NUMB: variants seen among roughly 807,000 people sequenced by gnomAD.
NUMB encodes the protein NUMB endocytic adaptor protein.
In NUMB, 29 loss-of-function variants were observed where a neutral mutation model predicts 59.7. That is an observed-to-expected ratio of 0.49 (90% confidence interval 0.36 to 0.66). NUMB has a LOEUF of 0.66. Among genes scored for constraint, NUMB ranks in the 30% least tolerant of loss-of-function variants. The pLI, the probability that NUMB is intolerant of heterozygous loss-of-function variation, is 0.00. For missense variants in NUMB, 723 were observed against 822.0 expected (o/e 0.88, Z 1.47); for synonymous variants, 288 against 288.2 (o/e 1.00, Z 0.01).
chr14:73,364,450 G>C (rs1380066586), intron 3 of NUMB, among the ~76,000 whole-genome samples: 1 of 152,024 alleles, frequency 6.6e-6, no homozygotes, highest in Non-Finnish European at 1.5e-5. Context: ...GTTGCAGTGG[G>C]CTGAGATTGC....
intron 2 of NUMB, among the ~76,000 whole-genome samples, 188 bp from the exon 3 acceptor site, chr14:73,367,169 G>A (rs887620128): frequency 9.9e-5 from 15 of 151,436 alleles, no homozygotes; most frequent in Non-Finnish European, 2.2e-4. Flanking sequence ...GTAACTGTAA[G>A]ATCCACACAC....
At chr14:73,351,667 A>T (rs1340445959) in intron 4 of NUMB, among the ~76,000 whole-genome samples, 3 of 151,942 alleles carry the variant, frequency 2.0e-5, no homozygotes, top group Non-Finnish European at 2.9e-5. Context: ...AATACCGTTG[A>T]ACTGTACACT....
At chr14:73,298,643 G>T (rs1429558717) in intron 6 of NUMB, 5 of 152,130 alleles carry the variant, frequency 3.3e-5, no homozygotes, top group African/African-American at 9.7e-5. Flanking sequence ...AAAAAGTATA[G>T]ATCAAAAGGA....
intron 1 of NUMB, among the ~76,000 whole-genome samples, chr14:73,411,472 C>CAA (rs1261938015): frequency 6.6e-6 from 1 of 151,522 alleles, no homozygotes; most frequent in Non-Finnish European, 1.5e-5. Flanking sequence ...TTCCAGGAGA[C>CAA]AAAAAAAGAA....
intron 2 of NUMB, among the ~76,000 whole-genome samples, chr14:73,373,705 CTTTT>C (rs558452695): frequency 7.8e-6 from 1 of 127,730 alleles, no homozygotes; most frequent in Admixed American, 8.1e-5. Context: ...GGAAAGCTTC[CTTTT>C]TTTTTTTTTT....
intron 1 of NUMB, among the ~76,000 whole-genome samples, chr14:73,446,130 G>T (rs1386017239): frequency 7.3e-6 from 1 of 137,056 alleles, no homozygotes; most frequent in Non-Finnish European, 1.5e-5. Flanking sequence ...CCGAGTAGCT[G>T]GGACTATAAG....
At chr14:73,287,983 G>A (rs572152494) in intron 8 of NUMB, among the ~76,000 whole-genome samples, 1 of 152,174 alleles carries the variant, frequency 6.6e-6, no homozygotes, top group South Asian at 2.1e-4. Flanking sequence ...GGAAGCAGTG[G>A]GAATATTTAC....
intron 1 of NUMB, among the ~76,000 whole-genome samples, chr14:73,415,200 CA>C (rs1897075419): frequency 6.6e-6 from 1 of 151,336 alleles, no homozygotes; most frequent in South Asian, 2.1e-4. Flanking sequence ...GCTTGCTTCT[CA>C]TGTTCTGCTT....
chr14:73,315,191 TTTAA>T (rs1330653154), intron 6 of NUMB, among the ~76,000 whole-genome samples: 3 of 152,150 alleles, frequency 2.0e-5, no homozygotes, highest in South Asian at 2.1e-4. Context: ...CATTTAAACA[TTTAA>T]TTGAGAAGGA....
chr14:73,360,029 C>T (rs1894026222), intron 3 of NUMB, among the ~76,000 whole-genome samples: 1 of 152,220 alleles, frequency 6.6e-6, no homozygotes, highest in Admixed American at 6.6e-5. Flanking sequence ...TCTATGTCCT[C>T]TGTTGTCCCT....
At chr14:73,358,266 T>C (rs1893917116) in intron 3 of NUMB, among the ~76,000 whole-genome samples, 1 of 152,198 alleles carries the variant, frequency 6.6e-6, no homozygotes, top group Admixed American at 6.5e-5. Context: ...TTAACAGAGC[T>C]CCATCCCAAT....
intron 1 of NUMB, among the ~76,000 whole-genome samples, chr14:73,438,210 G>T (rs2068016263): frequency 6.6e-6 from 1 of 152,170 alleles, no homozygotes; most frequent in Non-Finnish European, 1.5e-5. Context: ...AATACTGAAA[G>T]TCATATTTAG....
chr14:73,293,015 G>T, intron 7 of NUMB, 141 bp from the exon 8 acceptor site: 1 of 834,480 alleles, frequency 1.2e-6, no homozygotes. Context: ...GTGTCCAGCA[G>T]TTTAAATACT....
chr14:73,413,603 C>G, intron 1 of NUMB, among the ~76,000 whole-genome samples: 1 of 151,528 alleles, frequency 6.6e-6, no homozygotes, highest in Non-Finnish European at 1.5e-5. Context: ...ACCAAAAATA[C>G]AAAAATTAGC....
intron 4 of NUMB, among the ~76,000 whole-genome samples, chr14:73,336,783 CA>C (rs1405811009): frequency 2.0e-5 from 3 of 152,150 alleles, no homozygotes; most frequent in Non-Finnish European, 2.9e-5. Context: ...AGTTTCTGAA[CA>C]AAATATTAGC....
chr14:73,355,016 T>C (rs962107073), intron 4 of NUMB, among the ~76,000 whole-genome samples: 22 of 152,138 alleles, frequency 1.4e-4, no homozygotes, highest in African/African-American at 5.1e-4. Context: ...AAATAGTAAA[T>C]AACATACATA....
intron 1 of NUMB, among the ~76,000 whole-genome samples, chr14:73,411,710 C>T (rs1896901265): frequency 6.6e-6 from 1 of 151,950 alleles, no homozygotes; most frequent in Admixed American, 6.6e-5. Flanking sequence ...AATTGGTAAA[C>T]GGCTAATCTA....
chr14:73,435,479 T>C (rs963598175), intron 1 of NUMB, among the ~76,000 whole-genome samples: 3 of 151,434 alleles, frequency 2.0e-5, no homozygotes, highest in Non-Finnish European at 4.4e-5. Flanking sequence ...TTTAACCGTG[T>C]TCGCCAGGAT....
chr14:73,420,499 G>T lies in NUMB; in HGVS notation c.-232-10431C>A, dbSNP rs139026679. Reference sequence around the variant, plus strand: ...TGTGTGTATAGGTGTGTGTAGGTGGGGAAATTACCACCAAAAATGTTTTAA... The same window carrying T: ...TGTGTGTATAGGTGTGTGTAGGTGGTGAAATTACCACCAAAAATGTTTTAA... On this transcript the variant is annotated intron_variant, in intron 1 of 12. Coordinates refer to ENST00000555238, the MANE Select transcript of NUMB (RefSeq NM_001005743.2). Among the ~76,000 whole-genome samples the T allele has an allele frequency of 6.6e-5, 10 of 152,030 alleles. No individual in the cohort carries two copies. In the East Asian group the frequency reaches 1.9e-3, roughly 29 times the overall value.
Sources: allele counts gnomAD v4.1 joint callset (sites outside exome capture counted in the v4.1 genomes callset), GRCh38; gene constraint gnomAD v4.1.1; transcripts MANE v1.5; gene names NCBI Gene and HGNC (gene_info 2026-07-23, HGNC 2026-07-21).